AGBL4: variants seen among roughly 807,000 people sequenced by gnomAD.
AGBL4 encodes cytosolic carboxypeptidase 6.
A neutral mutation model predicts 66.4 loss-of-function variants in AGBL4; 58 were observed. The ratio of observed to expected loss-of-function variants is 0.87; its 90% CI spans 0.71 to 1.09. The LOEUF (loss-of-function observed/expected upper bound fraction) is 1.09, where lower values mean the gene tolerates loss of function less well. AGBL4 is among the 50% of genes least tolerant of loss of function. The pLI is 0.00. For synonymous variants in AGBL4, 234 were observed against 222.9 expected (o/e 1.05, Z -0.44); for missense variants, 579 against 631.0 (o/e 0.92, Z 0.88).
Position 49,653,224 on chromosome 1 carries a change from T to C in AGBL4, c.282+44089A>G, listed in dbSNP as rs139920350. Among the ~76,000 whole-genome samples the C allele has an allele frequency of 6.9e-3, 1,050 of 151,814 alleles. 12 individuals are homozygous for C. Among genetic ancestry groups the C allele is most frequent in the African/African-American group, 0.024 (977 of 41,376 alleles). ...GACCCCAAGCAAAACGCAGCAACCC[T>C]AAGGAAGAGGGGTCTGATTGCTAAA... On this transcript the variant is annotated intron_variant, in intron 3 of 13. Transcript: ENST00000371839.
At chr1:49,714,531 A>G (rs1325103329) in intron 2 of AGBL4, among the ~76,000 whole-genome samples, 1 of 150,608 alleles carries the variant, frequency 6.6e-6, no homozygotes, top group Non-Finnish European at 1.5e-5. Flanking sequence ...GCTACAAAAG[A>G]CATGACTTTA....
At chr1:49,942,529 C>T (rs1654856133) in intron 1 of AGBL4, among the ~76,000 whole-genome samples, 1 of 152,068 alleles carries the variant, frequency 6.6e-6, no homozygotes. Flanking sequence ...AATAAATCCA[C>T]ATATTTACTA....
chr1:49,561,388 T>C (rs1368893358), intron 3 of AGBL4, among the ~76,000 whole-genome samples: 4 of 151,870 alleles, frequency 2.6e-5, no homozygotes, highest in East Asian at 1.9e-4. Flanking sequence ...ACATGTGCCA[T>C]GTTGGTGTGC....
intron 3 of AGBL4, among the ~76,000 whole-genome samples, chr1:49,513,998 A>G (rs1266283213): frequency 6.6e-6 from 1 of 151,886 alleles, no homozygotes; most frequent in Admixed American, 6.6e-5. Context: ...ATGGGAGTTC[A>G]CTCATGATTT....
At chr1:49,585,796 G>T (rs55960395) in intron 3 of AGBL4, among the ~76,000 whole-genome samples, 79 of 152,298 alleles carry the variant, frequency 5.2e-4, no homozygotes, top group Non-Finnish European at 9.7e-4. Context: ...GTGCTGCTAT[G>T]ACAAATATAC....
intron 9 of AGBL4, among the ~76,000 whole-genome samples, chr1:48,627,800 A>C (rs975148106): frequency 2.0e-5 from 3 of 152,138 alleles, no homozygotes; most frequent in African/African-American, 7.2e-5. Flanking sequence ...ACCTCTCAAA[A>C]TAGCAACTTT....
chr1:48,795,271 T>C (rs1284482342), intron 6 of AGBL4, among the ~76,000 whole-genome samples: 1 of 152,160 alleles, frequency 6.6e-6, no homozygotes. Context: ...TCCCACCTGA[T>C]TTTAATCCTA....
At chr1:49,688,817 G>A (rs1387055839) in intron 3 of AGBL4, among the ~76,000 whole-genome samples, 1 of 152,128 alleles carries the variant, frequency 6.6e-6, no homozygotes, top group Non-Finnish European at 1.5e-5. Context: ...GCATTTCTCT[G>A]ATTATCACTG....
chr1:49,595,719 A>C (rs769377441), intron 3 of AGBL4, among the ~76,000 whole-genome samples: 1 of 152,206 alleles, frequency 6.6e-6, no homozygotes, highest in African/African-American at 2.4e-5. Context: ...ACAAGAGAAA[A>C]CTAGTTTTAG....
intron 6 of AGBL4, among the ~76,000 whole-genome samples, chr1:48,672,859 T>C (rs180780936): frequency 1.3e-5 from 2 of 152,304 alleles, no homozygotes; most frequent in Non-Finnish European, 2.9e-5. Flanking sequence ...ATGATTCTAA[T>C]GGGTTACAAT....
chr1:49,392,481 A>C (rs994799374), intron 3 of AGBL4, among the ~76,000 whole-genome samples: 1 of 152,212 alleles, frequency 6.6e-6, no homozygotes, highest in African/African-American at 2.4e-5. Context: ...TTTTGGTAGG[A>C]GCAGTCTCTT....
chr1:49,090,925 A>G (rs1034349159), intron 4 of AGBL4, among the ~76,000 whole-genome samples: 2 of 152,200 alleles, frequency 1.3e-5, no homozygotes, highest in African/African-American at 2.4e-5. Flanking sequence ...GAGCCCAGAA[A>G]TAAAGCTGCA....
At chr1:49,432,484 A>G (rs1645808976) in intron 3 of AGBL4, among the ~76,000 whole-genome samples, 1 of 152,162 alleles carries the variant, frequency 6.6e-6, no homozygotes, top group African/African-American at 2.4e-5. Context: ...GGACAATACT[A>G]CTGCATATAG....
intron 4 of AGBL4, among the ~76,000 whole-genome samples, chr1:49,171,733 G>A (rs1177034295): frequency 1.3e-5 from 2 of 152,144 alleles, no homozygotes; most frequent in Non-Finnish European, 2.9e-5. Context: ...CAGTACCTTT[G>A]TATATCCTTC....
chr1:49,413,576 C>T (rs867106121), intron 3 of AGBL4, among the ~76,000 whole-genome samples: 1 of 152,128 alleles, frequency 6.6e-6, no homozygotes, highest in Non-Finnish European at 1.5e-5. Flanking sequence ...GAGCTCTTTG[C>T]GGTCTTGACC....
intron 3 of AGBL4, among the ~76,000 whole-genome samples, chr1:49,387,148 T>C (rs896457656): frequency 1.3e-5 from 2 of 151,942 alleles, no homozygotes; most frequent in African/African-American, 4.8e-5. Flanking sequence ...AACTTGACTT[T>C]TTCAAGTTTC....
intron 1 of AGBL4, among the ~76,000 whole-genome samples, chr1:49,933,987 C>A (rs1412830122): frequency 6.6e-6 from 1 of 152,016 alleles, no homozygotes; most frequent in Admixed American, 6.6e-5. Context: ...AAAACAAGAT[C>A]CAAGTATATG....
intron 3 of AGBL4, among the ~76,000 whole-genome samples, chr1:49,414,580 G>C (rs1557918662): frequency 6.6e-6 from 1 of 152,136 alleles, no homozygotes; most frequent in Non-Finnish European, 1.5e-5. Context: ...CTGATCAAAG[G>C]AATATGGCAA....
downstream of AGBL4, among the ~76,000 whole-genome samples, chr1:48,530,368 C>T (rs2148246651): frequency 6.6e-6 from 1 of 152,246 alleles, no homozygotes; most frequent in South Asian, 2.1e-4. Flanking sequence ...ATGTATGAAT[C>T]GATGCTGCAC....
Sources: gnomAD v4.1 joint callset for allele counts (sites outside exome capture counted in the v4.1 genomes callset) on GRCh38, gnomAD v4.1.1 for gene constraint, MANE v1.5 for transcripts, NCBI Gene and HGNC (gene_info 2026-07-23, HGNC 2026-07-21) for gene names.